The following NUP43 variants were observed in gnomAD, a reference collection of about 807,000 sequenced individuals.
NUP43 encodes the protein nucleoporin 43.
NUP43 carries 32 observed loss-of-function variants against 47.3 expected under a neutral mutation model. The ratio of observed to expected loss-of-function variants is 0.68; its 90% CI spans 0.51 to 0.91. The LOEUF is 0.91. NUP43 is among the 40% of genes least tolerant of loss of function. The pLI is 0.00. For missense variants in NUP43, 444 were observed against 453.9 expected (o/e 0.98, Z 0.20); for synonymous variants, 147 against 158.4 (o/e 0.93, Z 0.54).
intron 7 of NUP43, chr6:149,728,526 T>G (rs1353549250): frequency 1.4e-6 from 1 of 710,938 alleles, no homozygotes; most frequent in African/African-American, 1.9e-5. Flanking sequence ...CTGTTTATCT[T>G]TTACTGCCCC....
chr6:149,740,190 C>G (rs146821071), intron 4 of NUP43, among the ~76,000 whole-genome samples: 2,136 of 146,318 alleles, frequency 0.015, 26 homozygotes, highest in Non-Finnish European at 0.022. Context: ...GTGGGAGGAT[C>G]GCTTGAACCT....
At chr6:149,743,863 G>A (rs542178567) in intron 2 of NUP43, 148 bp from the exon 3 acceptor site, 64 of 558,796 alleles carry the variant, frequency 1.1e-4, no homozygotes, top group African/African-American at 1.1e-3. Context: ...ATGTGTTAAT[G>A]AAGCTGAAAG....
Position 149,738,787 on chromosome 6 carries a change from T to A in NUP43, c.503-9A>T, listed in dbSNP as rs149530511. ...ACTACTATCTGCATTGTCTAAAAAT[T>A]TAAAAAATGGTAGTATGTGTTAATG... is the stretch of plus-strand genomic sequence containing the variant. On this transcript the variant is annotated splice_polypyrimidine_tract_variant and intron_variant, in intron 4 of 7. Coordinates refer to ENST00000340413, the MANE Select transcript of NUP43 (RefSeq NM_198887.3). 2.8e-4 allele frequency: 418 copies of A among 1,467,598 alleles called. 4 individuals carry two copies. The East Asian group carries it at 0.01, about 36-fold the overall frequency. 90.9% of individuals were successfully genotyped at this position (1,467,598 alleles called of 1,614,324 possible). A position where few individuals can be genotyped will look rare whatever the true frequency, so the allele number is the denominator to read the frequency against.
At chr6:149,730,054 G>A (rs540185576) in intron 7 of NUP43, among the ~76,000 whole-genome samples, 52 of 150,658 alleles carry the variant, frequency 3.5e-4, no homozygotes, top group African/African-American at 1.3e-3. Context: ...TTGCTATCCA[G>A]GCTGGAGTGC....
At chr6:149,738,193 C>G (rs1785465030) in intron 5 of NUP43, among the ~76,000 whole-genome samples, 2 of 152,084 alleles carry the variant, frequency 1.3e-5, no homozygotes, top group Non-Finnish European at 2.9e-5. Context: ...CAATTATATA[C>G]TAAATATTAT....
rs1786009020 is a variant in NUP43, at chr6:149,746,449, G to C, written c.47C>G (p.Thr16Ser). 3 of 1,614,090 alleles carry C rather than the reference G, an allele frequency of 1.9e-6. No individual in the cohort carries two copies. Among genetic ancestry groups the C allele is most frequent in the Non-Finnish European group, 2.5e-6 (3 of 1,180,010 alleles). The change falls in exon 1 of 8, where the codon ACC (threonine) becomes AGC (serine). Residue 16 changes from threonine (T) to serine (S), a missense_variant. Physicochemically the swap from Thr to Ser is moderately conservative, Grantham distance 58. Coordinates refer to ENST00000340413, the MANE Select transcript of NUP43 (RefSeq NM_198887.3). ...TCCCGGAGGCAGCGGTCGCCAGCGGGTTTTGCTGATTTTCTGGGACACAAA... is the reference window on the plus strand; with the variant it reads ...TCCCGGAGGCAGCGGTCGCCAGCGGCTTTTGCTGATTTTCTGGGACACAAA... ...AKFVSQKISK[T>S]RWRPLPPGSL...
At chr6:149,728,335 A>G (rs1392807871) in intron 7 of NUP43, 3 of 985,116 alleles carry the variant, frequency 3.0e-6, no homozygotes, top group Non-Finnish European at 3.6e-6. Flanking sequence ...CAAGTTCAAG[A>G]CTGTGCGGTT....
chr6:149,728,683 A>C lies in NUP43; in HGVS notation c.914-1485T>G, dbSNP rs189493658. Among the ~76,000 whole-genome samples the C allele has an allele frequency of 3.9e-5, 6 of 152,242 alleles. No homozygotes were observed. The East Asian group carries it at 1.2e-3, about 29-fold the overall frequency. On this transcript the variant is annotated intron_variant, in intron 7 of 7. Coordinates refer to ENST00000340413, the MANE Select transcript of NUP43 (RefSeq NM_198887.3). ...TCCTTATCATGGGCTACAAAGTCCC[A>C]GGGCTCCTCAGCCACCAGTCCTTAT...
rs1484901810 is a variant in NUP43, at chr6:149,724,413, T to G, written c.*2556A>C. On this transcript the variant is annotated 3_prime_UTR_variant, in exon 8 of 8. Coordinates refer to ENST00000340413, the MANE Select transcript of NUP43 (RefSeq NM_198887.3). ...TCGAACATAACAACTGGTGATTGGC[T>G]CATCTCACAGGCTCACATCATCAGT... 1 of 148,912 alleles carries G rather than the reference T, an allele frequency of 6.7e-6. No homozygotes were observed. Among genetic ancestry groups the G allele is most frequent in the Non-Finnish European group, 1.5e-5 (1 of 67,530 alleles). 9.2% of individuals were successfully genotyped at this position (148,912 alleles called of 1,614,324 possible).
chr6:149,743,515 A>C, intron 3 of NUP43, 123 bp downstream of exon 3: 1 of 589,196 alleles, frequency 1.7e-6, no homozygotes, highest in Non-Finnish European at 3.0e-6. Flanking sequence ...GAATCACTTG[A>C]ACTCAGAAGG....
At chr6:149,739,581 C>T (rs1185879051) in intron 4 of NUP43, among the ~76,000 whole-genome samples, 1 of 152,108 alleles carries the variant, frequency 6.6e-6, no homozygotes, top group Non-Finnish European at 1.5e-5. Flanking sequence ...CCCACCAGGC[C>T]CAGCCTTGAA....
Position 149,726,556 on chromosome 6 carries a change from C to T in NUP43, c.*413G>A. On this transcript the variant is annotated 3_prime_UTR_variant, in exon 8 of 8. Coordinates refer to ENST00000340413, the MANE Select transcript of NUP43 (RefSeq NM_198887.3). ...AAAGAATAATCATTAACATTGGCAA[C>T]TGCCACTAGGAAGGTGTATATGCCA... The T allele has an allele frequency of 5.6e-6, 1 of 177,016 alleles. No individual in the cohort carries two copies. The highest frequency in any genetic ancestry group is 1.2e-5 in the Non-Finnish European group (1 of 82,134). The allele number at this position is 177,016 out of a possible 1,614,324, so 11.0% of individuals were successfully genotyped here.
rs1296219755 is a variant in NUP43, at chr6:149,725,434, CAAA to C, written c.*1532_*1534del. The C allele has an allele frequency of 2.0e-5, 3 of 152,084 alleles. No individual in the cohort carries two copies. The highest frequency in any genetic ancestry group is 7.2e-5 in the African/African-American group (3 of 41,402). 9.4% of individuals were successfully genotyped at this position (152,084 alleles called of 1,614,324 possible). The stretch of plus-strand genomic sequence containing the variant: ...TGAAACCCCATCTCTACTAAAAATA[CAAA>C]AATTAGCTGGGTGTGGTGGTGAGCA... On this transcript the variant is annotated 3_prime_UTR_variant, in exon 8 of 8. Transcript: ENST00000340413.
At chr6:149,741,084 T>G (rs1785628206) in intron 4 of NUP43, among the ~76,000 whole-genome samples, 1 of 152,192 alleles carries the variant, frequency 6.6e-6, no homozygotes, top group Non-Finnish European at 1.5e-5. Flanking sequence ...GGTTTCTGTT[T>G]CCTCTAGTCA....
intron 2 of NUP43, 121 bp downstream of exon 2, chr6:149,745,819 A>T (rs1785959194): frequency 1.3e-6 from 1 of 793,542 alleles, no homozygotes; most frequent in Non-Finnish European, 1.9e-6. Flanking sequence ...ATCATAACTT[A>T]CAGAGCACTC....
rs567690022 is a variant in NUP43 at position 149,734,265 on chromosome 6, G to A, written c.790+2206C>T. Among the ~76,000 whole-genome samples the A allele has an allele frequency of 7.8e-4, 118 of 152,172 alleles. 1 individual carries two copies. Among genetic ancestry groups the A allele is most frequent in the African/African-American group, 2.7e-3 (110 of 41,476 alleles). On this transcript the variant is annotated intron_variant, in intron 6 of 7. Coordinates refer to ENST00000340413, the MANE Select transcript of NUP43 (RefSeq NM_198887.3). ...CAAGAGGATCACTTGACCCCAGGAGGTTGAGGCTTAAGTGAGGTACCATGC... is the reference window on the plus strand; with the variant it reads ...CAAGAGGATCACTTGACCCCAGGAGATTGAGGCTTAAGTGAGGTACCATGC...
chr6:149,738,902 C>A (rs878900627), intron 4 of NUP43, 124 bp from the exon 5 acceptor site: 1 of 513,470 alleles, frequency 1.9e-6, no homozygotes, highest in South Asian at 6.2e-5. Context: ...ATTTAAATTT[C>A]TATAGAAAAA....
chr6:149,744,872 GCTTT>G (rs1193938890), intron 2 of NUP43, among the ~76,000 whole-genome samples: 1 of 150,986 alleles, frequency 6.6e-6, no homozygotes, highest in African/African-American at 2.4e-5. Context: ...GAGCTAGATA[GCTTT>G]CTTTTTTATT....
At chr6:149,742,129 C>T (rs796187319) in intron 4 of NUP43, among the ~76,000 whole-genome samples, 12 of 151,652 alleles carry the variant, frequency 7.9e-5, no homozygotes, top group Non-Finnish European at 1.3e-4. Context: ...CAGGTTCAAG[C>T]GATTCTCCTG....
Sources: gnomAD v4.1 joint callset for allele counts (sites outside exome capture counted in the v4.1 genomes callset) on GRCh38, gnomAD v4.1.1 for gene constraint, MANE v1.5 for transcripts, NCBI Gene and HGNC (gene_info 2026-07-23, HGNC 2026-07-21) for gene names.